Variants in DZIP3 observed in about 807,000 individuals in gnomAD.
DZIP3 encodes the protein DAZ interacting zinc finger protein 3.
A neutral mutation model predicts 162.0 loss-of-function variants in DZIP3; 118 were observed. That is an observed-to-expected ratio of 0.73 (90% CI 0.63 to 0.85). The LOEUF (loss-of-function observed/expected upper bound fraction) is 0.85. DZIP3 is among the 40% of genes least tolerant of loss of function. The pLI is 0.00. For missense variants in DZIP3, 1,331 were observed against 1,407.0 expected (o/e 0.95, Z 0.86); for synonymous variants, 438 against 458.6 (o/e 0.96, Z 0.57).
chr3:108,683,139 C>T (rs1445827572), intron 26 of DZIP3, among the ~76,000 whole-genome samples: 1 of 150,680 alleles, frequency 6.6e-6, no homozygotes, highest in East Asian at 1.9e-4. Flanking sequence ...AAAGCAAACC[C>T]CAGATATCAT....
intron 1 of DZIP3, among the ~76,000 whole-genome samples, chr3:108,604,911 T>C (rs556133279): frequency 6.6e-6 from 1 of 152,334 alleles, no homozygotes; most frequent in East Asian, 1.9e-4. Flanking sequence ...GAAAAAGCTG[T>C]ATGGATAATT....
chr3:108,615,815 T>C (rs1940972420), intron 4 of DZIP3, among the ~76,000 whole-genome samples: 1 of 152,230 alleles, frequency 6.6e-6, no homozygotes, highest in Admixed American at 6.5e-5. Context: ...TTGGTATTAA[T>C]GCCAGCATTC....
chr3:108,622,836 GTCTCTC>G (rs368466391), intron 5 of DZIP3, among the ~76,000 whole-genome samples: 17,432 of 62,522 alleles, frequency 0.28, 2,587 homozygotes, highest in East Asian at 0.49. Context: ...AACAAACAGA[GTCTCTC>G]TCTCTCTCTC....
chr3:108,664,759 G>T (rs573863953), intron 21 of DZIP3, among the ~76,000 whole-genome samples: 3 of 152,214 alleles, frequency 2.0e-5, no homozygotes, highest in Non-Finnish European at 2.9e-5. Context: ...CTTTCCTAAT[G>T]TCAGCAGGGC....
At position 108,674,127 on chromosome 3, in the gene DZIP3, A is replaced by G; in HGVS notation, c.2639A>G (p.Gln880Arg). 2 of 1,612,456 alleles carry G rather than the reference A, an allele frequency of 1.2e-6. No homozygotes were observed. The highest frequency in any genetic ancestry group is 2.2e-5 in the South Asian group (2 of 91,032). The change falls in exon 24 of 33, where the codon CAG (glutamine) becomes CGG (arginine). Residue 880 changes from glutamine to arginine, a missense_variant. By Grantham distance (43) the Gln-to-Arg change is conservative. Transcript: ENST00000361582. Reference sequence around the variant, plus strand: ...GATTTTGGTTTGCTTCATCTAGAGCAGACTGAAAAGGAATGTCTCAATCAG... The same window carrying G: ...GATTTTGGTTTGCTTCATCTAGAGCGGACTGAAAAGGAATGTCTCAATCAG... ...RRDFGLLHLEQTEKECLNQLA... is the reference protein window; with the variant it reads ...RRDFGLLHLERTEKECLNQLA...
At chr3:108,690,593 G>T (rs979034172) in intron 31 of DZIP3, among the ~76,000 whole-genome samples, 194 bp from the exon 32 acceptor site, 6 of 152,184 alleles carry the variant, frequency 3.9e-5, no homozygotes, top group Non-Finnish European at 7.4e-5. Flanking sequence ...AAGGTATTGT[G>T]CAGTTACCAC....
At chr3:108,623,151 G>C (rs1047386157) in intron 5 of DZIP3, among the ~76,000 whole-genome samples, 1 of 151,900 alleles carries the variant, frequency 6.6e-6, no homozygotes, top group Admixed American at 6.6e-5. Context: ...AGCCCACTTG[G>C]TGTTCTATCC....
intron 5 of DZIP3, among the ~76,000 whole-genome samples, chr3:108,622,609 C>A (rs950973868): frequency 3.9e-5 from 6 of 152,088 alleles, no homozygotes; most frequent in Non-Finnish European, 7.4e-5. Flanking sequence ...ACCTGTCCTT[C>A]TTGGGAAGTC....
chr3:108,618,243 CTAAT>C (rs557607892), intron 5 of DZIP3, among the ~76,000 whole-genome samples: 104 of 152,302 alleles, frequency 6.8e-4, no homozygotes, highest in Non-Finnish European at 9.7e-4. Context: ...TTTTCCTCCT[CTAAT>C]TATAGCATTA....
chr3:108,608,710 T>C (rs1940529024), intron 3 of DZIP3, among the ~76,000 whole-genome samples: 1 of 152,186 alleles, frequency 6.6e-6, no homozygotes, highest in South Asian at 2.1e-4. Context: ...GAACATCATA[T>C]GTTCATATAT....
At chr3:108,597,022 G>A (rs1398984917) in intron 1 of DZIP3, among the ~76,000 whole-genome samples, 2 of 152,116 alleles carry the variant, frequency 1.3e-5, no homozygotes, top group African/African-American at 4.8e-5. Context: ...ATATTAATCT[G>A]ATTCTACCCC....
At chr3:108,637,666 G>GA (rs1942218966) in intron 12 of DZIP3, 118 bp downstream of exon 12, 5 of 450,894 alleles carry the variant, frequency 1.1e-5, no homozygotes, top group African/African-American at 1.1e-4. Flanking sequence ...TAAGGTATGT[G>GA]AAAAAATCAT....
chr3:108,601,835 G>A (rs927847795), intron 1 of DZIP3, among the ~76,000 whole-genome samples: 1 of 152,154 alleles, frequency 6.6e-6, no homozygotes, highest in African/African-American at 2.4e-5. Flanking sequence ...TCCAAGAACT[G>A]AAAATTACCA....
In DZIP3 at chr3:108,619,467, G is replaced by A. The variant is rs555125593; in HGVS notation, c.375+2810G>A. Reference sequence around the variant, plus strand: ...CAGCAAGTCCCATGATCTGCTCTCTGTAATCTGGAGACCCAGGAACGCTTG... The same window carrying A: ...CAGCAAGTCCCATGATCTGCTCTCTATAATCTGGAGACCCAGGAACGCTTG... On this transcript the variant is annotated intron_variant, in intron 5 of 32. Coordinates refer to ENST00000361582, the MANE Select transcript of DZIP3 (RefSeq NM_014648.4). 3.9e-5 allele frequency among the ~76,000 whole-genome samples: 6 copies of A among 152,254 alleles called. No homozygotes were observed. The South Asian group carries it at 1.2e-3, about 32-fold the overall frequency.
chr3:108,681,898 G>A (rs1362269883), intron 26 of DZIP3, among the ~76,000 whole-genome samples: 3 of 147,488 alleles, frequency 2.0e-5, no homozygotes, highest in Non-Finnish European at 4.4e-5. Flanking sequence ...CATGGACACA[G>A]GGAGGGGAAC....
In DZIP3 at chr3:108,661,883, G is replaced by A. The variant is rs1943452471; in HGVS notation, c.2206G>A (p.Ala736Thr). 6.2e-7 allele frequency: 1 copy of A among 1,613,330 alleles called. No individual in the cohort carries two copies. Among genetic ancestry groups the A allele is most frequent in the Non-Finnish European group, 8.5e-7 (1 of 1,179,728 alleles). ...TATTTCCTGTGCTCAATAGGGCTCAGCTGGCAAAGTAACTACAGACTATGG... is the reference window on the plus strand; with the variant it reads ...TATTTCCTGTGCTCAATAGGGCTCAACTGGCAAAGTAACTACAGACTATGG... ...HILDMIEQGS[A>T]GKVTTDYGET... The change falls in exon 20 of 33, where the codon GCT becomes ACT. Residue 736 changes from alanine (A) to threonine (T), a missense_variant. By Grantham distance (58) the Ala-to-Thr change is moderately conservative. This residue lies in a region of DZIP3 where 1,278 missense variants were observed against 1,317.1 expected (regional missense o/e 0.97). Transcript: ENST00000361582.
In DZIP3 at chr3:108,688,930, A is replaced by G. The variant is rs761950738; in HGVS notation, c.3516+6A>G. On this transcript the variant is annotated splice_donor_region_variant and intron_variant, in intron 31 of 32. Transcript: ENST00000361582. ...CTCACAAATTCCATGCTCAGGTAAC[A>G]CTTTAAATTTTCCCATTAATCAGCT... is the stretch of plus-strand genomic sequence containing the variant. 9 of 1,613,568 alleles carry G rather than the reference A, an allele frequency of 5.6e-6. No individual in the cohort carries two copies. In the Admixed American group the frequency reaches 6.7e-5, roughly 12 times the overall value.
chr3:108,687,833 T>A (rs1427432404), intron 28 of DZIP3, 143 bp from the exon 29 acceptor site: 12 of 1,054,644 alleles, frequency 1.1e-5, no homozygotes, highest in Non-Finnish European at 1.6e-5. Flanking sequence ...GTGATCACTT[T>A]TTTAGATCAA....
At chr3:108,621,039 T>G (rs1269632615) in intron 5 of DZIP3, among the ~76,000 whole-genome samples, 3 of 152,140 alleles carry the variant, frequency 2.0e-5, no homozygotes, top group Non-Finnish European at 4.4e-5. Flanking sequence ...GCCAGGATGG[T>G]CTCGATGTCC....
Sources: allele counts gnomAD v4.1 joint callset (sites outside exome capture counted in the v4.1 genomes callset), GRCh38; gene constraint gnomAD v4.1.1; regional missense constraint gnomAD v4.1.1; transcripts MANE v1.5; gene names NCBI Gene and HGNC (gene_info 2026-07-23, HGNC 2026-07-21).